Variants in GLIS1 observed in about 807,000 individuals in gnomAD.
GLIS1 encodes the protein zinc finger protein GLIS1.
In GLIS1, 24 loss-of-function variants were observed where a neutral mutation model predicts 63.8. The ratio of observed to expected loss-of-function variants is 0.38; its 90% CI spans 0.27 to 0.53. The LOEUF (loss-of-function observed/expected upper bound fraction) is 0.53. GLIS1 is among the 20% of genes least tolerant of loss of function. The probability of loss-of-function intolerance (pLI) is 0.85; values close to 1 mark genes in which losing one functional copy is unlikely to be tolerated. For missense variants in GLIS1, 1,036 were observed against 1,074.1 expected (o/e 0.96, Z 0.50); for synonymous variants, 450 against 482.5 (o/e 0.93, Z 0.88).
At chr1:53,554,618 C>T (rs141433798) in intron 4 of GLIS1, among the ~76,000 whole-genome samples, 1 of 152,184 alleles carries the variant, frequency 6.6e-6, no homozygotes, top group Non-Finnish European at 1.5e-5. Flanking sequence ...AGGTTGGAGC[C>T]CTGAGTCCAT....
chr1:53,581,167 G>A (rs1645080948), intron 4 of GLIS1, among the ~76,000 whole-genome samples: 1 of 152,290 alleles, frequency 6.6e-6, no homozygotes, highest in East Asian at 1.9e-4. Flanking sequence ...TGATAATGCC[G>A]ATGAAGAAGG....
At chr1:53,680,463 A>C (rs1233666831) in intron 2 of GLIS1, among the ~76,000 whole-genome samples, 1 of 152,242 alleles carries the variant, frequency 6.6e-6, no homozygotes, top group Non-Finnish European at 1.5e-5. Flanking sequence ...GAGCTGTGTC[A>C]CCATGGGCAA....
At chr1:53,529,736 G>T in intron 5 of GLIS1, 55 bp downstream of exon 5, 1 of 1,549,674 alleles carries the variant, frequency 6.5e-7, no homozygotes, top group Non-Finnish European at 8.8e-7. Context: ...CTGAATGAGT[G>T]GCAGGTGTGT....
Position 53,712,917 on chromosome 1 carries a change from G to A in GLIS1, c.259+24889C>T, listed in dbSNP as rs563131886. 1.9e-4 allele frequency among the ~76,000 whole-genome samples: 29 copies of A among 152,184 alleles called. No homozygotes were observed. The East Asian group carries it at 2.9e-3, about 15-fold the overall frequency. The stretch of plus-strand genomic sequence containing the variant: ...GTAAAAGGAGCCCAAATGTGAATAC[G>A]GACCCAGGAAGGCAGAAACCAAGAG... On this transcript the variant is annotated intron_variant, in intron 2 of 10. Transcript: ENST00000628545.
At position 53,607,280 on chromosome 1, in the gene GLIS1, T is replaced by C. The variant is rs117594092; in HGVS notation, c.260-7002A>G. 1.1e-3 allele frequency among the ~76,000 whole-genome samples: 173 copies of C among 152,324 alleles called. 2 individuals carry two copies. The East Asian group carries it at 0.03, about 26-fold the overall frequency. ...ATACATGTATTTTCTTTTCTTTCTT[T>C]TTCTTTTAGAGACAGGGTCTCACTC... On this transcript the variant is annotated intron_variant, in intron 2 of 10. Transcript: ENST00000628545.
At chr1:53,519,555 T>G (rs957509961) in intron 7 of GLIS1, among the ~76,000 whole-genome samples, 1 of 152,156 alleles carries the variant, frequency 6.6e-6, no homozygotes, top group Non-Finnish European at 1.5e-5. Context: ...GCGCAAGGAC[T>G]GTCAGCTGGA....
intron 2 of GLIS1, among the ~76,000 whole-genome samples, chr1:53,685,990 C>G (rs904056989): frequency 4.6e-5 from 7 of 152,304 alleles, no homozygotes; most frequent in African/African-American, 1.7e-4. Flanking sequence ...CTGCCCTCCC[C>G]CTCTGCCCCT....
chr1:53,511,374 A>T lies in GLIS1; in HGVS notation c.1884-1347T>A, dbSNP rs1396593210. The stretch of plus-strand genomic sequence containing the variant: ...AGGGCTATCTGGAAATGGGGAAAGC[A>T]GATTTGGAGAGAGGCTGGGGTCTCC... On this transcript the variant is annotated intron_variant, in intron 8 of 10. Coordinates refer to ENST00000628545, the MANE Select transcript of GLIS1 (RefSeq NM_001367484.1). The surrounding 1 kb of genome is among the most constrained non-coding windows in gnomAD (Gnocchi z 4.2). Among the ~76,000 whole-genome samples the T allele has an allele frequency of 6.6e-6, 1 of 152,196 alleles. No individual in the cohort carries two copies. The highest frequency in any genetic ancestry group is 1.5e-5 in the Non-Finnish European group (1 of 68,032).
At chr1:53,642,003 C>A (rs1309473995) in intron 2 of GLIS1, among the ~76,000 whole-genome samples, 1 of 152,208 alleles carries the variant, frequency 6.6e-6, no homozygotes, top group Non-Finnish European at 1.5e-5. Context: ...GCTCCCTGAC[C>A]CCACTCCACT....
chr1:53,688,605 G>C (rs901980554), intron 2 of GLIS1: 1 of 152,322 alleles, frequency 6.6e-6, no homozygotes, highest in African/African-American at 2.4e-5. Flanking sequence ...GTCTCACGCT[G>C]ATGGGTGACT....
At chr1:53,668,027 CT>C (rs2100385801) in intron 2 of GLIS1, among the ~76,000 whole-genome samples, 1 of 152,344 alleles carries the variant, frequency 6.6e-6, no homozygotes, top group East Asian at 1.9e-4. Flanking sequence ...TCGTTCCATT[CT>C]GCTCTCTGCC....
Position 53,614,676 on chromosome 1 carries a change from TG to T in GLIS1, c.260-14399del, listed in dbSNP as rs1258242946. ...GAGGTGGTGGCTTTGGGATTAGGGG[TG>T]TTAAAAGCTCTATATTCCTTTTTTG... On this transcript the variant is annotated intron_variant, in intron 2 of 10. Transcript: ENST00000628545. Among the ~76,000 whole-genome samples the T allele has an allele frequency of 3.3e-5, 5 of 152,132 alleles. No individual in the cohort carries two copies. The South Asian group carries it at 1.0e-3, about 32-fold the overall frequency.
At chr1:53,609,617 C>A (rs1035402090) in intron 2 of GLIS1, among the ~76,000 whole-genome samples, 1 of 152,168 alleles carries the variant, frequency 6.6e-6, no homozygotes, top group African/African-American at 2.4e-5. Context: ...TCCTTTCTTA[C>A]CTTCTTTCAA....
At chr1:53,590,854 C>T (rs57481093) in intron 4 of GLIS1, among the ~76,000 whole-genome samples, 4,940 of 152,208 alleles carry the variant, frequency 0.032, 293 homozygotes, top group African/African-American at 0.11. Flanking sequence ...CCAGGCCTGG[C>T]CTAAGGACTA....
rs1644872407 is a variant in GLIS1 at position 53,560,249 on chromosome 1, C to T, written c.1321-30297G>A. Among the ~76,000 whole-genome samples, 2 of 152,206 alleles carry T rather than the reference C, an allele frequency of 1.3e-5. No individual in the cohort carries two copies. The highest frequency in any genetic ancestry group is 2.9e-5 in the Non-Finnish European group (2 of 68,028). On this transcript the variant is annotated intron_variant, in intron 4 of 10. Coordinates refer to ENST00000628545, the MANE Select transcript of GLIS1 (RefSeq NM_001367484.1). This position sits in a 1 kb window ranked among gnomAD's most constrained non-coding sequence, Gnocchi z 4.4. ...CAGACAAAGAAGAGCCAGCTTTGCC[C>T]AGACCTGGGGGCAGCAGCTGTGTTG...
chr1:53,506,639 A>G lies in GLIS1; in HGVS notation c.2368T>C (p.Ser790Pro). 2.0e-6 allele frequency: 3 copies of G among 1,531,146 alleles called. No homozygotes were observed. The highest frequency in any genetic ancestry group is 2.6e-6 in the Non-Finnish European group (3 of 1,136,492). The allele number at this position is 1,531,146 out of a possible 1,614,324, so 94.8% of individuals were successfully genotyped here. A position where few individuals can be genotyped will look rare whatever the true frequency, so the allele number is the denominator to read the frequency against. Residue 790 changes from serine to proline, a missense_variant, in exon 11 of 11, where the codon TCC (serine) becomes CCC (proline). Around this residue, in one of 3 missense-constraint regions of GLIS1, gnomAD observed 400 missense variants for 400.9 expected, o/e 1.00. Transcript: ENST00000628545. Reference sequence around the variant, plus strand: ...CTCCTTCAGGTGTCTGTGTAGATGGAGGGGATGTGGCCCAGGCAGTGGTCA... The same window carrying G: ...CTCCTTCAGGTGTCTGTGTAGATGGGGGGGATGTGGCCCAGGCAGTGGTCA... ...AFDHCLGHIP[S>P]IYTDT
chr1:53,567,818 A>C (rs1276039421), intron 4 of GLIS1, among the ~76,000 whole-genome samples: 1 of 152,264 alleles, frequency 6.6e-6, no homozygotes, highest in Non-Finnish European at 1.5e-5. Flanking sequence ...GCAGGTGCAC[A>C]GAAAACAATA....
Position 53,529,872 on chromosome 1 carries a change from G to A in GLIS1, c.1401C>T (p.Tyr467=). The part of the protein sequence containing the change: ...HLRSHTGEKP[Y]LCQHPGCQKA... ...TCTGGCAACCCGGGTGCTGGCACAGGTACGGCTTCTCGCCCGTGTGGCTCC... is the reference window on the plus strand; with the variant it reads ...TCTGGCAACCCGGGTGCTGGCACAGATACGGCTTCTCGCCCGTGTGGCTCC... Residue 467 remains tyrosine, a synonymous_variant, in exon 5 of 11, where the codon TAC becomes TAT. Coordinates refer to ENST00000628545, the MANE Select transcript of GLIS1 (RefSeq NM_001367484.1). 1 of 1,613,962 alleles carries A rather than the reference G, an allele frequency of 6.2e-7. No individual in the cohort carries two copies. Among genetic ancestry groups the A allele is most frequent in the Non-Finnish European group, 8.5e-7 (1 of 1,179,982 alleles).
chr1:53,542,336 C>G (rs570958595), intron 4 of GLIS1, among the ~76,000 whole-genome samples: 1 of 152,138 alleles, frequency 6.6e-6, no homozygotes, highest in Non-Finnish European at 1.5e-5. Flanking sequence ...GCCGCAGGGC[C>G]GAATGGAAAG....
Sources: gnomAD v4.1 joint callset for allele counts (sites outside exome capture counted in the v4.1 genomes callset) on GRCh38, gnomAD v4.1.1 for gene constraint, gnomAD v4.1.1 regional missense constraint, Gnocchi (gnomAD v3.1) non-coding constraint, MANE v1.5 for transcripts, NCBI Gene and HGNC (gene_info 2026-07-23, HGNC 2026-07-21) for gene names.